Variants in CEP120 observed in about 807,000 individuals in gnomAD.
CEP120 encodes centrosomal protein 120, also known as centrosomal protein of 120 kDa.
A neutral mutation model predicts 126.5 loss-of-function variants in CEP120; 113 were observed. The observed-to-expected ratio is 0.89, with a 90% CI of 0.77 to 1.04. The LOEUF is 1.04. Ranked by LOEUF, CEP120 falls within the 50% of genes least tolerant of loss-of-function variation. CEP120 has a pLI of 0.00. For missense variants in CEP120, 1,230 were observed against 1,155.7 expected (o/e 1.06, Z -0.93); for synonymous variants, 400 against 394.3 (o/e 1.01, Z -0.17).
intron 4 of CEP120, among the ~76,000 whole-genome samples, chr5:123,404,457 T>C (rs1368149334): frequency 1.3e-5 from 2 of 152,258 alleles, no homozygotes; most frequent in East Asian, 3.9e-4. Context: ...CAGAAGAGTA[T>C]GATTGTATGA....
intron 17 of CEP120, among the ~76,000 whole-genome samples, chr5:123,365,906 C>A (rs1770423891): frequency 6.6e-6 from 1 of 150,880 alleles, no homozygotes. Flanking sequence ...CAGAGATGAA[C>A]CTAGAGGGAT....
At chr5:123,407,902 C>G (rs1773800391) in intron 4 of CEP120, among the ~76,000 whole-genome samples, 1 of 152,020 alleles carries the variant, frequency 6.6e-6, no homozygotes. Flanking sequence ...ACAGAGATAG[C>G]TGGAAAATCC....
chr5:123,411,717 A>C (rs1371659199), intron 4 of CEP120, among the ~76,000 whole-genome samples: 1 of 152,236 alleles, frequency 6.6e-6, no homozygotes, highest in African/African-American at 2.4e-5. Flanking sequence ...TGGAGCACAG[A>C]TGATTTTTAG....
At chr5:123,363,854 A>G (rs1191574011) in intron 18 of CEP120, among the ~76,000 whole-genome samples, 1 of 151,632 alleles carries the variant, frequency 6.6e-6, no homozygotes, top group East Asian at 1.9e-4. Context: ...ACCATTATTA[A>G]TCTTTAAAAG....
At chr5:123,365,453 G>A (rs1237055022) in intron 17 of CEP120, among the ~76,000 whole-genome samples, 3 of 151,420 alleles carry the variant, frequency 2.0e-5, no homozygotes, top group African/African-American at 7.3e-5. Context: ...ACTCTGAACC[G>A]GTCTAATTTT....
At chr5:123,407,618 G>A (rs899616634) in intron 4 of CEP120, among the ~76,000 whole-genome samples, 2 of 152,174 alleles carry the variant, frequency 1.3e-5, no homozygotes, top group Non-Finnish European at 2.9e-5. Flanking sequence ...AGAAATAGTT[G>A]AATCCAACTT....
At chr5:123,404,420 C>T (rs1434326054) in intron 4 of CEP120, among the ~76,000 whole-genome samples, 1 of 152,074 alleles carries the variant, frequency 6.6e-6, no homozygotes, top group African/African-American at 2.4e-5. Context: ...TATTTGGGTC[C>T]AAAGGCCTAA....
chr5:123,390,243 A>G, intron 7 of CEP120, 103 bp from the exon 8 acceptor site: 2 of 878,620 alleles, frequency 2.3e-6, no homozygotes, highest in Non-Finnish European at 3.6e-6. Context: ...TTCCTTTCCC[A>G]GTTTGGATAT....
intron 1 of CEP120, among the ~76,000 whole-genome samples, chr5:123,421,925 C>A (rs1358352849): frequency 1.3e-5 from 2 of 152,198 alleles, no homozygotes; most frequent in African/African-American, 4.8e-5. Context: ...TCTCATCCCT[C>A]ACACAGTGCC....
intron 1 of CEP120, among the ~76,000 whole-genome samples, chr5:123,419,695 C>T (rs1472597711): frequency 6.6e-6 from 1 of 152,132 alleles, no homozygotes; most frequent in Non-Finnish European, 1.5e-5. Context: ...TTCATTTGTA[C>T]TGCCAAACCC....
intron 9 of CEP120, among the ~76,000 whole-genome samples, chr5:123,387,629 C>A (rs906619085): frequency 6.6e-6 from 1 of 151,954 alleles, no homozygotes; most frequent in Admixed American, 6.6e-5. Flanking sequence ...ACTATTAGTC[C>A]GTATCAAATG....
chr5:123,358,085 G>A (rs1348280076), intron 18 of CEP120, among the ~76,000 whole-genome samples: 3 of 152,022 alleles, frequency 2.0e-5, no homozygotes, highest in Non-Finnish European at 4.4e-5. Context: ...TCTTATCCTG[G>A]ATAAAATTGT....
In CEP120 at chr5:123,346,162, C is replaced by CTT. The variant is rs755426934; in HGVS notation, c.*356_*357insAA. 86 of 186,084 alleles carry CTT rather than the reference C, an allele frequency of 4.6e-4. No homozygotes were observed. The highest frequency in any genetic ancestry group is 7.7e-4 in the Non-Finnish European group (69 of 89,938). The allele number at this position is 186,084 out of a possible 1,614,324, so 11.5% of individuals were successfully genotyped here. Reference sequence around the variant, plus strand: ...CAGCGTTTTTAAAGTGCAAGATATACTCTTTTGGCTCAACATGAAACATTA... The same window carrying CTT: ...CAGCGTTTTTAAAGTGCAAGATATACTTTCTTTTGGCTCAACATGAAACATTA... On this transcript the variant is annotated 3_prime_UTR_variant, in exon 20 of 20. Coordinates refer to ENST00000306467, the MANE Select transcript of CEP120 (RefSeq NM_001375405.1).
At chr5:123,382,329 A>T in intron 13 of CEP120, 129 bp from the exon 14 acceptor site, 2 of 374,502 alleles carry the variant, frequency 5.3e-6, no homozygotes, top group African/African-American at 2.1e-5. Context: ...TTATTCTAAA[A>T]AAAAAAAAAA....
At chr5:123,412,649 T>C (rs1289921676) in intron 3 of CEP120, 109 bp from the exon 4 acceptor site, 2 of 733,644 alleles carry the variant, frequency 2.7e-6, no homozygotes, top group Non-Finnish European at 3.8e-6. Context: ...CAGTACTTTA[T>C]AAACAATTTT....
intron 1 of CEP120, among the ~76,000 whole-genome samples, chr5:123,420,817 G>A (rs1340219438): frequency 6.6e-6 from 1 of 152,224 alleles, no homozygotes; most frequent in African/African-American, 2.4e-5. Context: ...AAACTCGTAT[G>A]TAGAATCTAT....
At chr5:123,420,211 C>T (rs1774633837) in intron 1 of CEP120, among the ~76,000 whole-genome samples, 1 of 152,142 alleles carries the variant, frequency 6.6e-6, no homozygotes, top group Non-Finnish European at 1.5e-5. Context: ...AAATGAATGT[C>T]ATATATGTCA....
At chr5:123,383,125 T>C (rs752768247) in intron 11 of CEP120, 43 bp from the exon 12 acceptor site, 66 of 1,113,030 alleles carry the variant, frequency 5.9e-5, no homozygotes, top group Non-Finnish European at 8.0e-5. Flanking sequence ...ACAGAAATAC[T>C]TTATATTATT....
intron 18 of CEP120, among the ~76,000 whole-genome samples, chr5:123,361,601 C>G (rs17407759): frequency 0.22 from 32,745 of 151,658 alleles, 3,824 homozygotes; most frequent in Middle Eastern, 0.26. Context: ...CAGTTTTCTA[C>G]AGAACGTCTA....
Sources: gnomAD v4.1 joint callset for allele counts (sites outside exome capture counted in the v4.1 genomes callset) on GRCh38, gnomAD v4.1.1 for gene constraint, MANE v1.5 for transcripts, NCBI Gene and HGNC (gene_info 2026-07-23, HGNC 2026-07-21) for gene names.